The following PPP1R14C variants were observed in gnomAD, a reference collection of about 807,000 sequenced individuals.
PPP1R14C encodes the protein protein phosphatase 1 regulatory inhibitor subunit 14C.
Under a neutral mutation model 20.4 loss-of-function variants are expected in PPP1R14C, and 16 were observed. The observed-to-expected ratio is 0.78, with a 90% CI of 0.53 to 1.19. The LOEUF (loss-of-function observed/expected upper bound fraction) is 1.19, where lower values mean the gene tolerates loss of function less well. Ranked by LOEUF, PPP1R14C falls within the 50% of genes most tolerant of loss-of-function variation. PPP1R14C has a pLI of 0.00. For synonymous variants in PPP1R14C, 91 were observed against 91.0 expected (o/e 1.00, Z 0.00); for missense variants, 211 against 220.1 (o/e 0.96, Z 0.26).
chr6:150,210,751 C>G (rs1404623831), intron 1 of PPP1R14C, among the ~76,000 whole-genome samples: 1 of 152,194 alleles, frequency 6.6e-6, no homozygotes, highest in Non-Finnish European at 1.5e-5. Context: ...CAGCACTGAG[C>G]ACATATTCCT....
At chr6:150,248,172 C>T (rs1778516819) in intron 3 of PPP1R14C, among the ~76,000 whole-genome samples, 1 of 152,120 alleles carries the variant, frequency 6.6e-6, no homozygotes, top group East Asian at 1.9e-4. Context: ...TCCCAAAGGC[C>T]CTACCTCCAA....
intron 3 of PPP1R14C, among the ~76,000 whole-genome samples, chr6:150,246,120 C>T (rs1169031026): frequency 6.6e-6 from 1 of 151,904 alleles, no homozygotes; most frequent in Non-Finnish European, 1.5e-5. Context: ...TTTAGGTTAC[C>T]AAATTTGATT....
chr6:150,215,822 A>G (rs996592473), intron 2 of PPP1R14C, among the ~76,000 whole-genome samples: 1 of 152,176 alleles, frequency 6.6e-6, no homozygotes, highest in Non-Finnish European at 1.5e-5. Context: ...TGAGGACCCA[A>G]GCTGGTTTAT....
In PPP1R14C at chr6:150,143,620, A is replaced by C. The variant is rs1777149272; in HGVS notation, c.306+122A>C. 4 of 720,386 alleles carry C rather than the reference A, an allele frequency of 5.6e-6. 1 individual carries two copies. In the South Asian group the frequency reaches 7.4e-5, roughly 13 times the overall value. 44.6% of individuals were successfully genotyped at this position (720,386 alleles called of 1,614,324 possible). A position where few individuals can be genotyped will look rare whatever the true frequency, so the allele number is the denominator to read the frequency against. ...CCCTGACTCCCGGGGACCAAGTGCC[A>C]GGAGCGAGGCGCGGCGCCTTCTCTC... On this transcript the variant is annotated intron_variant, in intron 1 of 3. Transcript: ENST00000361131. This position sits in a 1 kb window ranked among gnomAD's most constrained non-coding sequence, Gnocchi z 5.6.
At chr6:150,162,055 T>C (rs1468141530) in intron 1 of PPP1R14C, among the ~76,000 whole-genome samples, 1 of 72,732 alleles carries the variant, frequency 1.4e-5, no homozygotes, top group Non-Finnish European at 2.9e-5. Context: ...TTTTCTTTTC[T>C]TTTTTCTTTT....
Position 150,174,288 on chromosome 6 carries a change from C to T in PPP1R14C, c.306+30790C>T, listed in dbSNP as rs1483261542. ...AGGCTGGAGTGCAGTGGTGCGATCT[C>T]GGCTCACTGCAAGCTCTGCCTCCTG... is the stretch of plus-strand genomic sequence containing the variant. On this transcript the variant is annotated intron_variant, in intron 1 of 3. Transcript: ENST00000361131. Among the ~76,000 whole-genome samples, 11 of 152,220 alleles carry T rather than the reference C, an allele frequency of 7.2e-5. No homozygotes were observed. The East Asian group carries it at 7.8e-4, about 11-fold the overall frequency.
At chr6:150,207,222 T>C (rs1777964743) in intron 1 of PPP1R14C, among the ~76,000 whole-genome samples, 1 of 152,216 alleles carries the variant, frequency 6.6e-6, no homozygotes, top group South Asian at 2.1e-4. Flanking sequence ...CTAAGCAAGC[T>C]TTAGCCATTG....
intron 1 of PPP1R14C, among the ~76,000 whole-genome samples, chr6:150,208,508 C>T (rs1295276666): frequency 1.3e-5 from 2 of 152,070 alleles, no homozygotes; most frequent in Admixed American, 6.5e-5. Context: ...TATTTAAATA[C>T]ATACCACTTA....
intron 3 of PPP1R14C, among the ~76,000 whole-genome samples, chr6:150,237,520 G>A (rs1778376492): frequency 6.6e-6 from 1 of 152,090 alleles, no homozygotes; most frequent in Non-Finnish European, 1.5e-5. Context: ...GCATATTCTT[G>A]ATTTGAATTT....
intron 1 of PPP1R14C, among the ~76,000 whole-genome samples, chr6:150,197,054 T>C (rs927084416): frequency 3.3e-5 from 5 of 152,218 alleles, no homozygotes; most frequent in African/African-American, 9.6e-5. Flanking sequence ...CCTTCCACCC[T>C]CCCCTCAGGC....
At chr6:150,239,617 A>G (rs984173263) in intron 3 of PPP1R14C, among the ~76,000 whole-genome samples, 8 of 152,192 alleles carry the variant, frequency 5.3e-5, no homozygotes, top group African/African-American at 1.9e-4. Context: ...TATAGCAGTA[A>G]ATGTCTGCAT....
Position 150,214,784 on chromosome 6 carries a change from T to A in PPP1R14C, c.347T>A (p.Leu116His), listed in dbSNP as rs780114986. ...MPEVEIDIDD[L>H]LDADSDEERA... ...GAGGTAGAAATTGACATTGATGATC[T>A]TCTTGATGCAGACAGTGATGAAGAG... Residue 116 changes from leucine to histidine, a missense_variant, in exon 2 of 4, where the codon CTT becomes CAT. Leu to His is a moderately conservative substitution (Grantham distance 99). Transcript: ENST00000361131. 6.2e-7 allele frequency: 1 copy of A among 1,613,172 alleles called. No individual in the cohort carries two copies. Among genetic ancestry groups the A allele is most frequent in the East Asian group, 2.2e-5 (1 of 44,852 alleles).
At chr6:150,243,184 T>C (rs1778452283) in intron 3 of PPP1R14C, among the ~76,000 whole-genome samples, 1 of 150,896 alleles carries the variant, frequency 6.6e-6, no homozygotes, top group Non-Finnish European at 1.5e-5. Context: ...CTTTTTTTTT[T>C]TTTTTTTTTG....
At position 150,197,912 on chromosome 6, in the gene PPP1R14C, C is replaced by G. The variant is rs9383722; in HGVS notation, c.307-16832C>G. On this transcript the variant is annotated intron_variant, in intron 1 of 3. Coordinates refer to ENST00000361131, the MANE Select transcript of PPP1R14C (RefSeq NM_030949.3). ...GGATGCCCAGCTTTGTGTGCCCCTG[C>G]CTGCCACGGTGGAGGAGGGCCTGGA... is the stretch of plus-strand genomic sequence containing the variant. Among the ~76,000 whole-genome samples, 72 of 119,102 alleles carry G rather than the reference C, an allele frequency of 6.0e-4. 1 individual carries two copies. The highest frequency in any genetic ancestry group is 5.3e-3 in the Middle Eastern group (1 of 190). The allele number at this position is 119,102 out of a possible 152,430, so 78.1% of individuals were successfully genotyped here.
chr6:150,193,101 G>C (rs1177498106), intron 1 of PPP1R14C, among the ~76,000 whole-genome samples: 1 of 152,132 alleles, frequency 6.6e-6, no homozygotes, highest in Non-Finnish European at 1.5e-5. Flanking sequence ...GTTCCTGGCA[G>C]ATATGGGCCA....
intron 1 of PPP1R14C, among the ~76,000 whole-genome samples, chr6:150,175,852 A>G (rs1190365495): frequency 6.6e-6 from 1 of 152,218 alleles, no homozygotes; most frequent in Non-Finnish European, 1.5e-5. Flanking sequence ...GGGAAAATGC[A>G]GTTTGAACCA....
At chr6:150,247,428 T>C (rs1173146066) in intron 3 of PPP1R14C, among the ~76,000 whole-genome samples, 1 of 152,206 alleles carries the variant, frequency 6.6e-6, no homozygotes, top group African/African-American at 2.4e-5. Context: ...GAGGCAACAA[T>C]GAGAGATTCC....
At chr6:150,206,816 T>A (rs1237786779) in intron 1 of PPP1R14C, among the ~76,000 whole-genome samples, 1 of 152,036 alleles carries the variant, frequency 6.6e-6, no homozygotes, top group East Asian at 1.9e-4. Flanking sequence ...ATGGAGTCAA[T>A]GGAGTCAGGT....
At chr6:150,192,434 G>T (rs939029834) in intron 1 of PPP1R14C, among the ~76,000 whole-genome samples, 6 of 152,090 alleles carry the variant, frequency 3.9e-5, no homozygotes, top group Admixed American at 6.5e-5. Flanking sequence ...TCACAATAGG[G>T]TTTGCACTCC....
Sources: gnomAD v4.1 joint callset for allele counts (sites outside exome capture counted in the v4.1 genomes callset) on GRCh38, gnomAD v4.1.1 for gene constraint, Gnocchi (gnomAD v3.1) non-coding constraint, MANE v1.5 for transcripts, NCBI Gene and HGNC (gene_info 2026-07-23, HGNC 2026-07-21) for gene names.